GUCY1A2: variants seen among roughly 807,000 people sequenced by gnomAD.
GUCY1A2 encodes guanylate cyclase soluble subunit alpha-2.
A neutral mutation model predicts 63.5 loss-of-function variants in GUCY1A2; 27 were observed. The ratio of observed to expected loss-of-function variants is 0.43; its 90% CI spans 0.31 to 0.59. GUCY1A2 has a LOEUF of 0.59. Among genes scored for constraint, GUCY1A2 ranks in the 20% least tolerant of loss-of-function variants. GUCY1A2 has a pLI of 0.11. For synonymous variants in GUCY1A2, 364 were observed against 343.5 expected, an observed-to-expected ratio of 1.06 and a Z score of -0.66; for missense variants, 768 against 913.3, an observed-to-expected ratio of 0.84 and a Z score of 2.05.
chr11:106,767,095 T>G (rs570003778), intron 6 of GUCY1A2, among the ~76,000 whole-genome samples: 1 of 152,216 alleles, frequency 6.6e-6, no homozygotes, highest in East Asian at 1.9e-4. Flanking sequence ...TCTATGGACA[T>G]TGTATCAGTA....
In GUCY1A2 at chr11:106,684,249, G is replaced by A. The variant is rs114396559; in HGVS notation, c.*3300C>T. The stretch of plus-strand genomic sequence containing the variant: ...GTCTGTCTCAGAGTCCCAGATCAAA[G>A]CTCACTTGATTCCACATAATCAGAT... On this transcript the variant is annotated 3_prime_UTR_variant, in exon 8 of 8. Coordinates refer to ENST00000526355, the MANE Select transcript of GUCY1A2 (RefSeq NM_000855.3). 399 of 184,440 alleles carry A rather than the reference G, an allele frequency of 2.2e-3. 2 individuals are homozygous for A. Among genetic ancestry groups the A allele is most frequent in the African/African-American group, 8.1e-3 (347 of 42,716 alleles). 11.4% of individuals were successfully genotyped at this position (184,440 alleles called of 1,614,324 possible).
At chr11:106,935,862 T>C (rs552588792) in intron 4 of GUCY1A2, among the ~76,000 whole-genome samples, 40 of 140,486 alleles carry the variant, frequency 2.8e-4, no homozygotes, top group Non-Finnish European at 4.5e-4. Flanking sequence ...AAAAAAAAAT[T>C]AAAAAAAAAA....
In GUCY1A2 at chr11:106,850,571, T is replaced by G. The variant is rs116281623; in HGVS notation, c.1207-40093A>C. On this transcript the variant is annotated intron_variant, in intron 4 of 7. Coordinates refer to ENST00000526355, the MANE Select transcript of GUCY1A2 (RefSeq NM_000855.3). ...ATTTCCATAAGCTCAAAATGTTTTT[T>G]TGGCACCCACATATGTGTGACAACA... Among the ~76,000 whole-genome samples, 964 of 151,920 alleles carry G rather than the reference T, an allele frequency of 6.3e-3. 16 individuals are homozygous for G. Among genetic ancestry groups the G allele is most frequent in the African/African-American group, 0.022 (905 of 41,532 alleles).
chr11:106,971,922 T>A (rs1861200283), intron 3 of GUCY1A2, among the ~76,000 whole-genome samples: 1 of 151,986 alleles, frequency 6.6e-6, no homozygotes, highest in Non-Finnish European at 1.5e-5. Context: ...TGCTGGGAAG[T>A]AAGGAAGTGC....
intron 3 of GUCY1A2, among the ~76,000 whole-genome samples, chr11:106,947,341 A>C (rs1860844552): frequency 6.6e-6 from 1 of 152,124 alleles, no homozygotes. Context: ...AGAGAAATTA[A>C]AATTATATAC....
At chr11:107,004,525 T>C (rs1467723215) in intron 1 of GUCY1A2, among the ~76,000 whole-genome samples, 4 of 152,146 alleles carry the variant, frequency 2.6e-5, no homozygotes, top group Non-Finnish European at 5.9e-5. Context: ...AATAAAGTTA[T>C]ATAAAGACCC....
At chr11:106,882,241 A>T (rs561995120) in intron 4 of GUCY1A2, among the ~76,000 whole-genome samples, 34 of 152,058 alleles carry the variant, frequency 2.2e-4, no homozygotes, top group Non-Finnish European at 4.0e-4. Flanking sequence ...CAAAGCATTT[A>T]CTAAAGGTTA....
At chr11:106,828,052 AT>A (rs566767860) in intron 4 of GUCY1A2, among the ~76,000 whole-genome samples, 286 of 150,812 alleles carry the variant, frequency 1.9e-3, no homozygotes, top group South Asian at 2.9e-3. Flanking sequence ...GTAGCTCTTT[AT>A]TTTTTTTTCT....
At chr11:106,924,923 C>T (rs1860501317) in intron 4 of GUCY1A2, among the ~76,000 whole-genome samples, 1 of 152,050 alleles carries the variant, frequency 6.6e-6, no homozygotes, top group South Asian at 2.1e-4. Flanking sequence ...GAGAAATCAC[C>T]TGAGGCTGGG....
At chr11:106,754,925 G>A (rs1015806650) in intron 6 of GUCY1A2, among the ~76,000 whole-genome samples, 5 of 152,160 alleles carry the variant, frequency 3.3e-5, no homozygotes, top group Non-Finnish European at 7.3e-5. Flanking sequence ...GTTTCAGAAG[G>A]AATGGTACCA....
chr11:106,784,202 A>AT (rs1320439376), intron 5 of GUCY1A2, among the ~76,000 whole-genome samples: 1 of 152,072 alleles, frequency 6.6e-6, no homozygotes, highest in Non-Finnish European at 1.5e-5. Flanking sequence ...TTATTGAGAA[A>AT]ATGGCACACT....
chr11:106,926,840 A>G (rs1482529659), intron 4 of GUCY1A2, among the ~76,000 whole-genome samples: 1 of 151,620 alleles, frequency 6.6e-6, no homozygotes, highest in Non-Finnish European at 1.5e-5. Flanking sequence ...GGAAAATCAA[A>G]CACAGTTTTA....
intron 3 of GUCY1A2, among the ~76,000 whole-genome samples, chr11:106,955,126 C>T (rs1049408441): frequency 8.5e-5 from 13 of 152,106 alleles, no homozygotes; most frequent in African/African-American, 3.1e-4. Context: ...GCATGTGCCA[C>T]CATGCCCAAC....
At chr11:106,960,278 T>C (rs1401436828) in intron 3 of GUCY1A2, among the ~76,000 whole-genome samples, 1 of 152,198 alleles carries the variant, frequency 6.6e-6, no homozygotes, top group Non-Finnish European at 1.5e-5. Flanking sequence ...GATAAAGATA[T>C]GAAGGATTTC....
At chr11:106,988,220 C>T (rs1351593535) in intron 1 of GUCY1A2, among the ~76,000 whole-genome samples, 1 of 152,202 alleles carries the variant, frequency 6.6e-6, no homozygotes, top group East Asian at 1.9e-4. Flanking sequence ...CAACCTAGTC[C>T]ATGACCAATC....
intron 4 of GUCY1A2, among the ~76,000 whole-genome samples, chr11:106,932,803 C>T (rs778920032): frequency 5.9e-5 from 9 of 151,860 alleles, no homozygotes; most frequent in Non-Finnish European, 1.2e-4. Context: ...AATAGAAAAC[C>T]CAGAAATAAA....
chr11:106,915,330 T>G (rs546434545), intron 4 of GUCY1A2, among the ~76,000 whole-genome samples: 21 of 152,102 alleles, frequency 1.4e-4, no homozygotes, highest in African/African-American at 4.8e-4. Flanking sequence ...GCAGCAACCT[T>G]ATAGGGGACA....
rs543423869 is a variant in GUCY1A2, at chr11:106,832,570, G to A, written c.1207-22092C>T. ...TGTCTGGAGCATGTCCTTTGCCTAC[G>A]TCTTTCACTATCACTAGAGAATGAG... On this transcript the variant is annotated intron_variant, in intron 4 of 7. Coordinates refer to ENST00000526355, the MANE Select transcript of GUCY1A2 (RefSeq NM_000855.3). Among the ~76,000 whole-genome samples, 186 of 152,170 alleles carry A rather than the reference G, an allele frequency of 1.2e-3. 1 individual carries two copies. Among genetic ancestry groups the A allele is most frequent in the Non-Finnish European group, 2.2e-3 (152 of 67,998 alleles).
rs890696453 is a variant in GUCY1A2 at position 106,804,414 on chromosome 11, T to C, written c.1692+5579A>G. Among the ~76,000 whole-genome samples, 4 of 152,224 alleles carry C rather than the reference T, an allele frequency of 2.6e-5. No individual in the cohort carries two copies. In the East Asian group the frequency reaches 5.8e-4, roughly 22 times the overall value. On this transcript the variant is annotated intron_variant, in intron 5 of 7. Transcript: ENST00000526355. ...TTTACTAAATGGAACTGGCATTTCA[T>C]GCTGCAAATGACGTAAAATGGCATA...
Sources: allele counts gnomAD v4.1 joint callset (sites outside exome capture counted in the v4.1 genomes callset), GRCh38; gene constraint gnomAD v4.1.1; transcripts MANE v1.5; gene names NCBI Gene and HGNC (gene_info 2026-07-23, HGNC 2026-07-21).